Variants in FKBP9 observed in about 807,000 individuals in gnomAD.
The protein encoded by FKBP9 is peptidyl-prolyl cis-trans isomerase FKBP9.
In FKBP9, 27 loss-of-function variants were observed where a neutral mutation model predicts 55.6. That is an observed-to-expected ratio of 0.49 (90% CI 0.36 to 0.67). The LOEUF is 0.67. FKBP9 is among the 30% of genes least tolerant of loss of function. FKBP9 has a pLI of 0.00. For synonymous variants in FKBP9, 267 were observed against 296.5 expected (o/e 0.90, Z 1.02); for missense variants, 539 against 742.8 (o/e 0.73, Z 3.19).
intron 7 of FKBP9, among the ~76,000 whole-genome samples, chr7:32,996,606 T>TTTCCTTCCTTCC (rs201756956): frequency 0.077 from 8,513 of 110,326 alleles, 604 homozygotes; most frequent in African/African-American, 0.11. Flanking sequence ...AACTGCTATC[T>TTTCCTTCCTTCC]TTCCTTCCTT....
In FKBP9 at chr7:32,965,797, CAAAA is replaced by C. The variant is rs760247071; in HGVS notation, c.221+8016_221+8019del. Reference sequence around the variant, plus strand: ...TGGGCAACAGAGCGAGACTCCATGTCAAAAAAAAAAAAAAAATATATATATATAT... The same window carrying C: ...TGGGCAACAGAGCGAGACTCCATGTCAAAAAAAAAAAATATATATATATAT... On this transcript the variant is annotated intron_variant, in intron 1 of 9. Transcript: ENST00000242209. Among the ~76,000 whole-genome samples, 347 of 38,522 alleles carry C rather than the reference CAAAA, an allele frequency of 9.0e-3. 4 individuals are homozygous for C. Among genetic ancestry groups the C allele is most frequent in the Admixed American group, 0.015 (24 of 1,630 alleles). 25.3% of individuals were successfully genotyped at this position (38,522 alleles called of 152,430 possible). A position where few individuals can be genotyped will look rare whatever the true frequency, so the allele number is the denominator to read the frequency against.
At chr7:32,973,937 T>A (rs1049956157) in intron 1 of FKBP9, among the ~76,000 whole-genome samples, 1 of 150,940 alleles carries the variant, frequency 6.6e-6, no homozygotes, top group African/African-American at 2.4e-5. Context: ...GGTGATCCAC[T>A]CTCCTCGGCC....
intron 9 of FKBP9, among the ~76,000 whole-genome samples, chr7:33,004,005 C>A (rs1214353070): frequency 6.6e-6 from 1 of 151,992 alleles, no homozygotes; most frequent in Non-Finnish European, 1.5e-5. Flanking sequence ...CCTGCTTTAC[C>A]CAAAGCCTTT....
At chr7:32,974,524 T>C (rs1289831812) in intron 1 of FKBP9, 93 bp from the exon 2 acceptor site, 12 of 1,105,832 alleles carry the variant, frequency 1.1e-5, no homozygotes, top group Non-Finnish European at 9.4e-6. Flanking sequence ...ATGGCCCCAT[T>C]ACATCTGTGG....
At chr7:32,988,163 G>A (rs1453899144) in intron 5 of FKBP9, among the ~76,000 whole-genome samples, 1 of 152,186 alleles carries the variant, frequency 6.6e-6, no homozygotes. Flanking sequence ...CAGCCTGGGT[G>A]ACAGAGTGAG....
intron 9 of FKBP9, 118 bp downstream of exon 9, chr7:33,002,957 T>G: frequency 1.1e-6 from 1 of 929,230 alleles, no homozygotes; most frequent in Non-Finnish European, 1.6e-6. Context: ...GCTGGAGGGC[T>G]TGTGAGATGA....
intron 1 of FKBP9, chr7:32,963,737 G>T: frequency 7.7e-7 from 1 of 1,301,752 alleles, no homozygotes; most frequent in South Asian, 2.2e-5. Context: ...GGTTGCAAAC[G>T]GGGCTTCATT....
chr7:32,990,265 G>A (rs890823313), intron 6 of FKBP9, among the ~76,000 whole-genome samples: 5 of 152,158 alleles, frequency 3.3e-5, no homozygotes, highest in Admixed American at 1.3e-4. Context: ...GGGTCAGACC[G>A]GGGAAAAAGT....
chr7:32,983,373 G>C (rs1362423120), intron 5 of FKBP9, among the ~76,000 whole-genome samples: 1 of 150,464 alleles, frequency 6.6e-6, no homozygotes, highest in African/African-American at 2.5e-5. Context: ...GGAATGCAGT[G>C]GTGTGACCTC....
At chr7:32,979,405 CCA>C (rs780159770) in intron 4 of FKBP9, 138 of 824,408 alleles carry the variant, frequency 1.7e-4, no homozygotes, top group Non-Finnish European at 2.6e-4. Flanking sequence ...TAGGGATTGA[CCA>C]CACCTTGCAT....
intron 7 of FKBP9, among the ~76,000 whole-genome samples, chr7:32,997,453 A>G (rs1423675123): frequency 2.0e-5 from 3 of 151,830 alleles, no homozygotes; most frequent in Admixed American, 6.6e-5. Flanking sequence ...CTGACCTCAA[A>G]TGATCCTCCC....
chr7:32,971,743 G>T (rs1784258610), intron 1 of FKBP9, among the ~76,000 whole-genome samples: 1 of 152,208 alleles, frequency 6.6e-6, no homozygotes, highest in South Asian at 2.1e-4. Flanking sequence ...TGACCCTGGA[G>T]TGTGAGATTG....
intron 5 of FKBP9, among the ~76,000 whole-genome samples, chr7:32,982,225 T>A (rs573653342): frequency 6.6e-6 from 1 of 152,204 alleles, no homozygotes; most frequent in Admixed American, 6.5e-5. Context: ...TTCACCATAT[T>A]GGCCAGGCTG....
At chr7:32,990,313 C>T (rs1023158192) in intron 6 of FKBP9, among the ~76,000 whole-genome samples, 11 of 152,160 alleles carry the variant, frequency 7.2e-5, no homozygotes, top group African/African-American at 2.7e-4. Flanking sequence ...AAGGAGGACC[C>T]TGTCAGGGAA....
chr7:32,973,211 C>T (rs1008257839), intron 1 of FKBP9, among the ~76,000 whole-genome samples: 4 of 152,080 alleles, frequency 2.6e-5, no homozygotes, highest in African/African-American at 7.2e-5. Flanking sequence ...TGGCACAGTC[C>T]CCTAATAGGC....
chr7:32,980,761 G>A (rs148461126), intron 5 of FKBP9, among the ~76,000 whole-genome samples: 454 of 151,198 alleles, frequency 3.0e-3, no homozygotes, highest in African/African-American at 0.01. Context: ...ACGGGGTCTC[G>A]TTCTGTCATC....
intron 1 of FKBP9, among the ~76,000 whole-genome samples, chr7:32,958,380 T>C (rs1783947030): frequency 6.6e-6 from 1 of 152,194 alleles, no homozygotes; most frequent in Admixed American, 6.5e-5. Flanking sequence ...CCTCATTTTA[T>C]CAGTAAGGTA....
chr7:32,988,768 A>G, intron 6 of FKBP9, 116 bp downstream of exon 6: 1 of 1,009,740 alleles, frequency 9.9e-7, no homozygotes, highest in South Asian at 1.6e-5. Context: ...CCCTCTGTTG[A>G]ACAGGCTGGA....
rs200085010 is a variant in FKBP9 at position 33,002,446 on chromosome 7, T to C, written c.1373-230T>C. On this transcript the variant is annotated intron_variant, in intron 8 of 9. Coordinates refer to ENST00000242209, the MANE Select transcript of FKBP9 (RefSeq NM_007270.5). The stretch of plus-strand genomic sequence containing the variant: ...CCATGCCTGGCCTCTATTCTATTCC[T>C]TAATTTAAAAAATAACTAAACGCTG... Among the ~76,000 whole-genome samples the C allele has an allele frequency of 1.0e-3, 154 of 152,294 alleles. 2 individuals carry two copies. The East Asian group carries it at 0.021, about 20-fold the overall frequency.
Sources: gnomAD v4.1 joint callset for allele counts (sites outside exome capture counted in the v4.1 genomes callset) on GRCh38, gnomAD v4.1.1 for gene constraint, MANE v1.5 for transcripts, NCBI Gene and HGNC (gene_info 2026-07-23, HGNC 2026-07-21) for gene names.